CACNA1A: variants seen among roughly 807,000 people sequenced by gnomAD.
CACNA1A encodes voltage-dependent P/Q-type calcium channel subunit alpha-1A.
In CACNA1A, 57 loss-of-function variants were observed where a neutral mutation model predicts 262.4. That is an observed-to-expected ratio of 0.22 (90% CI 0.18 to 0.27). The LOEUF is 0.27. Among genes scored for constraint, CACNA1A ranks in the 10% least tolerant of loss-of-function variants. The probability of loss-of-function intolerance (pLI) is 1.00; values close to 1 mark genes in which losing one functional copy is unlikely to be tolerated. For missense variants in CACNA1A, 2,526 were observed against 3,562.8 expected (o/e 0.71, Z 7.41); for synonymous variants, 1,431 against 1,419.3 (o/e 1.01, Z -0.18).
intron 3 of CACNA1A, among the ~76,000 whole-genome samples, chr19:13,378,748 C>G (rs182294684): frequency 8.6e-5 from 13 of 151,034 alleles, no homozygotes; most frequent in African/African-American, 3.2e-4. Flanking sequence ...CTGCAATCTC[C>G]CCCCCGCCTC....
In CACNA1A at chr19:13,207,525, G is replaced by T; in HGVS notation, c.7309C>A (p.Pro2437Thr). The T allele has an allele frequency of 7.0e-7, 1 of 1,437,042 alleles. No homozygotes were observed. The highest frequency in any genetic ancestry group is 9.1e-7 in the Non-Finnish European group (1 of 1,097,200). The allele number at this position is 1,437,042 out of a possible 1,614,324, so 89.0% of individuals were successfully genotyped here. ...EEAMAGAYDA[P>T]PPVRHASSGA... ...GAGGACGCGTGTCGTACGGGGGGTG[G>T]CGCGTCGTAGGCCCCGGCCATGGCC... Residue 2437 changes from proline (P) to threonine (T), a missense_variant, in exon 47 of 47, where the codon CCA becomes ACA. This residue lies in a region of CACNA1A where 929 missense variants were observed against 868.1 expected (regional missense o/e 1.07). Transcript: ENST00000360228. This position sits in a 1 kb window ranked among gnomAD's most constrained non-coding sequence, Gnocchi z 5.7.
chr19:13,220,807 G>GTTTTAAATTTTAAAATTTAAAATT (rs1319830893), intron 38 of CACNA1A, among the ~76,000 whole-genome samples: 1 of 152,112 alleles, frequency 6.6e-6, no homozygotes. Context: ...AAAATTTTCT[G>GTTTTAAATTTTAAAATTTAAAATT]TAGAGATGGG....
intron 30 of CACNA1A, among the ~76,000 whole-genome samples, chr19:13,247,703 TAAATAAATAA>T (rs1267159208): frequency 7.8e-6 from 1 of 127,876 alleles, no homozygotes; most frequent in Non-Finnish European, 1.6e-5. Flanking sequence ...CCGTCAAAAA[TAAATAAATAA>T]AAATAAATAA....
chr19:13,368,436 G>A (rs1358751432), intron 4 of CACNA1A, among the ~76,000 whole-genome samples: 1 of 151,078 alleles, frequency 6.6e-6, no homozygotes, highest in Admixed American at 6.6e-5. Context: ...GGGCACAAGC[G>A]AGCCTCCTGC....
At chr19:13,483,652 A>T (rs1979639094) in intron 1 of CACNA1A, among the ~76,000 whole-genome samples, 1 of 152,182 alleles carries the variant, frequency 6.6e-6, no homozygotes, top group Admixed American at 6.5e-5. Flanking sequence ...AAGTGCAGCT[A>T]AGTCATGGAT....
rs540198233 is a variant in CACNA1A at position 13,416,987 on chromosome 19, T to A, written c.539+35889A>T. 2.6e-5 allele frequency among the ~76,000 whole-genome samples: 4 copies of A among 152,250 alleles called. No homozygotes were observed. The East Asian group carries it at 7.7e-4, about 29-fold the overall frequency. ...TTTAATATCCACATACGGATATTAA[T>A]ATCCAAATACGTGCAATTGGTGACC... On this transcript the variant is annotated intron_variant, in intron 3 of 46. Coordinates refer to ENST00000360228, the MANE Select transcript of CACNA1A (RefSeq NM_001127222.2).
intron 29 of CACNA1A, among the ~76,000 whole-genome samples, chr19:13,253,346 T>C (rs999534631): frequency 2.0e-5 from 3 of 151,468 alleles, no homozygotes; most frequent in African/African-American, 7.3e-5. Flanking sequence ...AGACGGGGTC[T>C]TCCTATTTTG....
chr19:13,506,363 A>ACGGCC lies in CACNA1A; in HGVS notation c.-144_-140dup, dbSNP rs1983045761. The ACGGCC allele has an allele frequency of 2.7e-6, 2 of 741,866 alleles. No homozygotes were observed. Among genetic ancestry groups the ACGGCC allele is most frequent in the Non-Finnish European group, 3.9e-6 (2 of 516,732 alleles). The allele number at this position is 741,866 out of a possible 1,614,324, so 46.0% of individuals were successfully genotyped here. ...GGAGCTACGACTGCGGAGACGCTCC[A>ACGGCC]CGGCCCAGCCCATCGGGCGGCGGCG... On this transcript the variant is annotated 5_prime_UTR_variant, in exon 1 of 47. An upstream open reading frame in the 5' UTR gains an earlier in-frame stop. Transcript: ENST00000360228.
intron 38 of CACNA1A, among the ~76,000 whole-genome samples, chr19:13,223,668 T>C (rs953006650): frequency 2.0e-5 from 3 of 152,126 alleles, no homozygotes; most frequent in African/African-American, 7.2e-5. Flanking sequence ...AGAAGGTGAG[T>C]CAGCTCAATG....
chr19:13,483,257 T>C lies in CACNA1A; in HGVS notation c.293+22675A>G, dbSNP rs139267360. On this transcript the variant is annotated intron_variant, in intron 1 of 46. Coordinates refer to ENST00000360228, the MANE Select transcript of CACNA1A (RefSeq NM_001127222.2). Reference sequence around the variant, plus strand: ...AGAGCCGGGTCCTGAAATCACCACATGGAATGCCACTTGCTGATTATCTGA... The same window carrying C: ...AGAGCCGGGTCCTGAAATCACCACACGGAATGCCACTTGCTGATTATCTGA... 2.6e-5 allele frequency among the ~76,000 whole-genome samples: 4 copies of C among 152,246 alleles called. No homozygotes were observed. The East Asian group carries it at 7.7e-4, about 29-fold the overall frequency.
chr19:13,277,910 A>C (rs1188866116), intron 22 of CACNA1A: 2 of 152,094 alleles, frequency 1.3e-5, no homozygotes, highest in African/African-American at 2.4e-5. Context: ...CAAATGGCAA[A>C]ACCCCGTGTC....
At chr19:13,262,950 G>A (rs2056771797) in intron 24 of CACNA1A, 117 bp from the exon 25 acceptor site, 1 of 728,446 alleles carries the variant, frequency 1.4e-6, no homozygotes, top group Non-Finnish European at 2.5e-6. Flanking sequence ...AGTCTGGGGT[G>A]AGCTTGGCAC....
chr19:13,276,953 C>T lies in CACNA1A; in HGVS notation c.3882+116G>A, dbSNP rs1266985062. 7.5e-6 allele frequency: 5 copies of T among 668,838 alleles called. No individual in the cohort carries two copies. In the East Asian group the frequency reaches 1.2e-4, roughly 16 times the overall value. 41.4% of individuals were successfully genotyped at this position (668,838 alleles called of 1,614,324 possible). A position where few individuals can be genotyped will look rare whatever the true frequency, so the allele number is the denominator to read the frequency against. On this transcript the variant is annotated intron_variant, in intron 23 of 46. Coordinates refer to ENST00000360228, the MANE Select transcript of CACNA1A (RefSeq NM_001127222.2). ...CCTCAACCTCCTGATCTCAAGTGAT[C>T]TGCCTGCCTCAGCCTCCCAAAGTGC... is the stretch of plus-strand genomic sequence containing the variant.
At chr19:13,279,161 G>A (rs929159828) in intron 22 of CACNA1A, among the ~76,000 whole-genome samples, 5 of 152,306 alleles carry the variant, frequency 3.3e-5, no homozygotes, top group African/African-American at 7.2e-5. Context: ...AGGGCAGGCC[G>A]TGGGGGTCAG....
rs369151054 is a variant in CACNA1A at position 13,333,249 on chromosome 19, G to A, written c.1199-324C>T. On this transcript the variant is annotated intron_variant, in intron 8 of 46. Coordinates refer to ENST00000360228, the MANE Select transcript of CACNA1A (RefSeq NM_001127222.2). ...CCCCACCTCTCACTCTGTTTCAGCT[G>A]CACTGGCTTCCTTGCTGTGTCTCAA... Among the ~76,000 whole-genome samples, 14 of 152,202 alleles carry A rather than the reference G, an allele frequency of 9.2e-5. 1 individual carries two copies. In the South Asian group the frequency reaches 2.9e-3, roughly 32 times the overall value.
chr19:13,433,453 G>A (rs1395839895), intron 3 of CACNA1A, among the ~76,000 whole-genome samples: 3 of 52,512 alleles, frequency 5.7e-5, no homozygotes, highest in Admixed American at 2.6e-4. Flanking sequence ...AAAGCAAGAC[G>A]CTGTCTCAAA....
intron 1 of CACNA1A, among the ~76,000 whole-genome samples, chr19:13,468,312 C>G (rs1380699886): frequency 6.6e-6 from 1 of 152,068 alleles, no homozygotes; most frequent in Admixed American, 6.6e-5. Context: ...CTAGGGACCT[C>G]TGAGTGGTGT....
chr19:13,231,661 A>C (rs1266231371), intron 35 of CACNA1A, 49 bp downstream of exon 35: 23 of 1,572,972 alleles, frequency 1.5e-5, no homozygotes, highest in Non-Finnish European at 2.0e-5. Flanking sequence ...CCTGAAAGGA[A>C]GCCAGGCTTA....
intron 2 of CACNA1A, among the ~76,000 whole-genome samples, chr19:13,453,338 T>A (rs1232483927): frequency 1.3e-5 from 2 of 152,232 alleles, no homozygotes; most frequent in African/African-American, 4.8e-5. Flanking sequence ...CAATTAAAAT[T>A]AATTTAAATG....
Sources: allele counts gnomAD v4.1 joint callset (sites outside exome capture counted in the v4.1 genomes callset), GRCh38; gene constraint gnomAD v4.1.1; regional missense constraint gnomAD v4.1.1; non-coding constraint Gnocchi (gnomAD v3.1); transcripts MANE v1.5; gene names NCBI Gene and HGNC (gene_info 2026-07-23, HGNC 2026-07-21).